MCU: variants seen among roughly 807,000 people sequenced by gnomAD.
MCU encodes the protein calcium uniporter protein, mitochondrial.
Under a neutral mutation model 45.2 loss-of-function variants are expected in MCU, and 12 were observed. The ratio of observed to expected loss-of-function variants is 0.27; its 90% CI spans 0.17 to 0.43. The LOEUF is 0.43. Among genes scored for constraint, MCU ranks in the 20% least tolerant of loss-of-function variants. The probability of loss-of-function intolerance (pLI) is 1.00; values close to 1 mark genes in which losing one functional copy is unlikely to be tolerated. For missense variants in MCU, 324 were observed against 436.7 expected (o/e 0.74, Z 2.30); for synonymous variants, 160 against 165.1 (o/e 0.97, Z 0.24).
intron 1 of MCU, among the ~76,000 whole-genome samples, chr10:72,802,104 C>G (rs551559298): frequency 6.6e-5 from 10 of 152,296 alleles, no homozygotes; most frequent in Admixed American, 4.6e-4. Flanking sequence ...AGAGGTTCAT[C>G]CATTCTGTCC....
chr10:72,802,829 C>G (rs1844363628), intron 1 of MCU, among the ~76,000 whole-genome samples: 1 of 152,094 alleles, frequency 6.6e-6, no homozygotes, highest in African/African-American at 2.4e-5. Context: ...CTGTTAAATC[C>G]TTTACAAAAA....
intron 1 of MCU, among the ~76,000 whole-genome samples, chr10:72,721,288 G>A (rs1843018074): frequency 1.3e-5 from 2 of 152,138 alleles, no homozygotes; most frequent in East Asian, 3.9e-4. Flanking sequence ...TACAGGTAGT[G>A]ACAATAAACT....
intron 1 of MCU, among the ~76,000 whole-genome samples, chr10:72,816,966 C>T (rs1318871301): frequency 6.6e-6 from 1 of 152,178 alleles, no homozygotes; most frequent in East Asian, 1.9e-4. Flanking sequence ...TAATGTATTT[C>T]TATTTCTTTA....
rs1183068786 is a variant in MCU at position 72,887,655 on chromosome 10, T to G, written c.*1833T>G. On this transcript the variant is annotated 3_prime_UTR_variant, in exon 8 of 8. Coordinates refer to ENST00000373053, the MANE Select transcript of MCU (RefSeq NM_138357.3). ...TTTATGAAATATGTATAAAAAGCAA[T>G]GTACCTTCTGGAACAATAAATACTT... 6.5e-6 allele frequency: 1 copy of G among 152,742 alleles called. No individual in the cohort carries two copies. Among genetic ancestry groups the G allele is most frequent in the Non-Finnish European group, 1.5e-5 (1 of 68,032 alleles). 9.5% of individuals were successfully genotyped at this position (152,742 alleles called of 1,614,324 possible).
chr10:72,852,504 T>C (rs1845222362), intron 2 of MCU, among the ~76,000 whole-genome samples: 1 of 152,186 alleles, frequency 6.6e-6, no homozygotes, highest in Non-Finnish European at 1.5e-5. Context: ...CCAGACAAAA[T>C]ATCTGAAACA....
chr10:72,799,017 C>A (rs1400173062), intron 1 of MCU, among the ~76,000 whole-genome samples: 1 of 152,088 alleles, frequency 6.6e-6, no homozygotes, highest in African/African-American at 2.4e-5. Flanking sequence ...GATCTCGGCT[C>A]CCAGGTTCAA....
intron 1 of MCU, among the ~76,000 whole-genome samples, chr10:72,789,022 A>G (rs910263361): frequency 7.9e-5 from 12 of 152,268 alleles, no homozygotes; most frequent in Non-Finnish European, 1.5e-5. Context: ...AGATAAGACT[A>G]TACTTAGAGT....
intron 1 of MCU, among the ~76,000 whole-genome samples, chr10:72,718,529 C>A (rs1224708405): frequency 6.6e-6 from 1 of 152,198 alleles, no homozygotes; most frequent in Non-Finnish European, 1.5e-5. Context: ...ATTAATCATT[C>A]ATATTTCCCT....
chr10:72,823,919 G>A (rs935668192), intron 1 of MCU, among the ~76,000 whole-genome samples: 5 of 151,950 alleles, frequency 3.3e-5, no homozygotes, highest in Non-Finnish European at 7.4e-5. Flanking sequence ...ACTTAGCCAA[G>A]CATGGTGGCA....
intron 2 of MCU, among the ~76,000 whole-genome samples, chr10:72,856,012 A>G (rs1845284938): frequency 6.6e-6 from 1 of 152,248 alleles, no homozygotes; most frequent in African/African-American, 2.4e-5. Flanking sequence ...AACTGGATAA[A>G]CAAGTTGTGG....
chr10:72,716,746 C>T (rs1252306259), intron 1 of MCU, among the ~76,000 whole-genome samples: 3 of 151,966 alleles, frequency 2.0e-5, no homozygotes, highest in African/African-American at 4.8e-5. Context: ...TGGGCATGCC[C>T]CTGTAGTTAT....
intron 1 of MCU, among the ~76,000 whole-genome samples, chr10:72,726,256 C>CACGTGT (rs112936516): frequency 2.1e-5 from 3 of 145,586 alleles, no homozygotes; most frequent in Non-Finnish European, 3.0e-5. Context: ...CACACACACA[C>CACGTGT]GTGTGTGTGT....
At chr10:72,798,502 G>T (rs1301641997) in intron 1 of MCU, among the ~76,000 whole-genome samples, 1 of 152,152 alleles carries the variant, frequency 6.6e-6, no homozygotes, top group Non-Finnish European at 1.5e-5. Context: ...ATGCTGGCCA[G>T]GCTGGTCTCG....
At chr10:72,725,441 T>A (rs1051270656) in intron 1 of MCU, among the ~76,000 whole-genome samples, 1 of 148 alleles carries the variant, frequency 6.8e-3, no homozygotes, top group Non-Finnish European at 0.017. Flanking sequence ...CTGGCTAATT[T>A]AAAAATGTTT....
At chr10:72,858,190 A>C (rs1277053381) in intron 2 of MCU, among the ~76,000 whole-genome samples, 2 of 152,160 alleles carry the variant, frequency 1.3e-5, no homozygotes, top group East Asian at 3.8e-4. Context: ...AAATATACAT[A>C]CTCAGTACGC....
chr10:72,833,342 T>A (rs1844907565), intron 1 of MCU, among the ~76,000 whole-genome samples: 1 of 152,244 alleles, frequency 6.6e-6, no homozygotes. Context: ...AAGTCTCAAG[T>A]AATTTTTAAA....
chr10:72,704,961 C>T (rs140479483), intron 1 of MCU, among the ~76,000 whole-genome samples: 6,210 of 151,820 alleles, frequency 0.041, 414 homozygotes, highest in African/African-American at 0.14. Flanking sequence ...CCTCATAATC[C>T]GCCCGCCTCG....
intron 2 of MCU, among the ~76,000 whole-genome samples, chr10:72,856,419 T>C (rs1486618410): frequency 2.0e-5 from 3 of 152,160 alleles, no homozygotes; most frequent in African/African-American, 4.8e-5. Context: ...AAGATTTTAG[T>C]GTGAAGATTT....
intron 1 of MCU, among the ~76,000 whole-genome samples, chr10:72,787,348 A>C (rs1844089232): frequency 6.6e-6 from 1 of 152,156 alleles, no homozygotes; most frequent in African/African-American, 2.4e-5. Context: ...AGCTCACTGC[A>C]ACCTCCGCCT....
Sources: allele counts gnomAD v4.1 joint callset (sites outside exome capture counted in the v4.1 genomes callset), GRCh38; gene constraint gnomAD v4.1.1; transcripts MANE v1.5; gene names NCBI Gene and HGNC (gene_info 2026-07-23, HGNC 2026-07-21).